SPRED2: variants seen among roughly 807,000 people sequenced by gnomAD.
SPRED2 encodes the protein sprouty related EVH1 domain containing 2, also known as sprouty-related, EVH1 domain-containing protein 2.
In SPRED2, 47 loss-of-function variants were observed where a neutral mutation model predicts 43.0. The ratio of observed to expected loss-of-function variants is 1.09; its 90% confidence interval spans 0.87 to 1.40. SPRED2 has a LOEUF of 1.40. Ranked by LOEUF, SPRED2 falls within the 40% of genes most tolerant of loss-of-function variation. SPRED2 has a pLI of 0.00. For synonymous variants in SPRED2, 225 were observed against 225.7 expected, an observed-to-expected ratio of 1.00 and a Z score of 0.03; for missense variants, 561 against 586.4, an observed-to-expected ratio of 0.96 and a Z score of 0.45.
intron 1 of SPRED2, among the ~76,000 whole-genome samples, chr2:65,429,669 A>G (rs1282779646): frequency 6.6e-6 from 1 of 152,252 alleles, no homozygotes; most frequent in African/African-American, 2.4e-5. Flanking sequence ...GGCAGTTTAC[A>G]GCCCACGAAG....
rs68086040 is a variant in SPRED2 at position 65,322,270 on chromosome 2, CTATA to C, written c.439-5391_439-5388del. Among the ~76,000 whole-genome samples, 295 of 36,420 alleles carry C rather than the reference CTATA, an allele frequency of 8.1e-3. 6 individuals are homozygous for C. Among genetic ancestry groups the C allele is most frequent in the African/African-American group, 0.015 (99 of 6,702 alleles). 23.9% of individuals were successfully genotyped at this position (36,420 alleles called of 152,430 possible). A position where few individuals can be genotyped will look rare whatever the true frequency, so the allele number is the denominator to read the frequency against. On this transcript the variant is annotated intron_variant, in intron 4 of 5. Transcript: ENST00000356388. ...TCTCTCTCTCTCTCTCTCTCTCTCT[CTATA>C]TATATATATATATATATATATTTTT...
chr2:65,412,000 C>T (rs914907521), intron 1 of SPRED2, among the ~76,000 whole-genome samples: 4 of 151,736 alleles, frequency 2.6e-5, no homozygotes, highest in Admixed American at 6.6e-5. Flanking sequence ...TGGTGGCAGG[C>T]GCCTGTAGTC....
At chr2:65,360,207 C>T (rs1381842532) in intron 1 of SPRED2, among the ~76,000 whole-genome samples, 1 of 151,978 alleles carries the variant, frequency 6.6e-6, no homozygotes, top group African/African-American at 2.4e-5. Flanking sequence ...GTGGAAGGGC[C>T]CTCGACTTAA....
intron 1 of SPRED2, among the ~76,000 whole-genome samples, chr2:65,406,451 C>A (rs1431724694): frequency 6.6e-6 from 1 of 152,228 alleles, no homozygotes; most frequent in Non-Finnish European, 1.5e-5. Flanking sequence ...ATTTTATCCA[C>A]TCATGTCTGT....
intron 1 of SPRED2, among the ~76,000 whole-genome samples, chr2:65,391,401 T>C (rs1675632959): frequency 6.6e-6 from 1 of 152,220 alleles, no homozygotes; most frequent in Non-Finnish European, 1.5e-5. Flanking sequence ...CATTCTGGTG[T>C]AGTTCCCGAA....
intron 1 of SPRED2, among the ~76,000 whole-genome samples, chr2:65,384,485 T>G (rs995880285): frequency 1.4e-4 from 21 of 152,196 alleles, no homozygotes; most frequent in Non-Finnish European, 7.3e-5. Context: ...AAATAATAAT[T>G]AGTTCAAAAC....
chr2:65,364,472 G>A (rs928449241), intron 1 of SPRED2, among the ~76,000 whole-genome samples: 4 of 152,220 alleles, frequency 2.6e-5, no homozygotes, highest in Non-Finnish European at 4.4e-5. Context: ...TAAAAACCAC[G>A]TGGTTCCTTT....
chr2:65,366,464 A>T, intron 1 of SPRED2: 2 of 944,754 alleles, frequency 2.1e-6, no homozygotes, highest in Non-Finnish European at 3.2e-6. Context: ...AAACACATAC[A>T]CACTGTGGTC....
rs1237306915 is a variant in SPRED2, at chr2:65,311,611, G to A, written c.*1890C>T. On this transcript the variant is annotated 3_prime_UTR_variant, in exon 6 of 6. Transcript: ENST00000356388. ...TCGACAGCACTGGAGGCTGGCTGAA[G>A]GTTTTCTAGATGTTCTCCAGGCATG... is the stretch of plus-strand genomic sequence containing the variant. 1 of 985,842 alleles carries A rather than the reference G, an allele frequency of 1.0e-6. No homozygotes were observed. The highest frequency in any genetic ancestry group is 1.1e-4 in the East Asian group (1 of 8,814). 61.1% of individuals were successfully genotyped at this position (985,842 alleles called of 1,614,324 possible). A position where few individuals can be genotyped will look rare whatever the true frequency, so the allele number is the denominator to read the frequency against.
downstream of SPRED2, among the ~76,000 whole-genome samples, chr2:65,309,012 C>T (rs182439856): frequency 1.4e-4 from 21 of 151,980 alleles, no homozygotes; most frequent in East Asian, 7.7e-4. Context: ...CAAAATTAGC[C>T]GGGTGTGGTG....
intron 1 of SPRED2, among the ~76,000 whole-genome samples, chr2:65,417,400 G>T (rs1273032240): frequency 6.6e-6 from 1 of 152,092 alleles, no homozygotes; most frequent in Non-Finnish European, 1.5e-5. Context: ...CCTGTACCTG[G>T]AACACAGACA....
intron 1 of SPRED2, among the ~76,000 whole-genome samples, chr2:65,426,813 C>G (rs1460302674): frequency 6.6e-6 from 1 of 152,160 alleles, no homozygotes; most frequent in Non-Finnish European, 1.5e-5. Flanking sequence ...GCTACTGATC[C>G]ACTTTGTATA....
At chr2:65,413,165 C>G (rs975408336) in intron 1 of SPRED2, among the ~76,000 whole-genome samples, 1 of 152,202 alleles carries the variant, frequency 6.6e-6, no homozygotes, top group Non-Finnish European at 1.5e-5. Context: ...CTACCCCTCT[C>G]AAGGGGAGAG....
rs1459430102 is a variant in SPRED2, at chr2:65,316,835, T to A, written c.487A>T (p.Thr163Ser). 1 of 1,613,828 alleles carries A rather than the reference T, an allele frequency of 6.2e-7. No homozygotes were observed. Residue 163 changes from threonine to serine, a missense_variant, in exon 5 of 6, where the codon ACT becomes TCT. Coordinates refer to ENST00000356388, the MANE Select transcript of SPRED2 (RefSeq NM_181784.3). ...GATGTGGGAGAGGAGATTGTCCGAG[T>A]AGGTTGCTCTCTCTTCTGAGAGGAA... ...SNSSQKREQP[T>S]RTISSPTSCE... is the part of the protein sequence containing the mutation.
intron 1 of SPRED2, chr2:65,366,498 T>A (rs547516017): frequency 1.5e-6 from 2 of 1,343,546 alleles, no homozygotes; most frequent in African/African-American, 1.5e-5. Context: ...ATAAATTTTC[T>A]CCTTTAAAAA....
chr2:65,327,281 A>G (rs1542994), intron 4 of SPRED2, among the ~76,000 whole-genome samples: 40,257 of 152,112 alleles, frequency 0.26, 6,577 homozygotes, highest in East Asian at 0.76. Flanking sequence ...GTAACCTTGA[A>G]TAAATACTCT....
At position 65,314,081 on chromosome 2, in the gene SPRED2, G is replaced by C; in HGVS notation, c.677C>G (p.Thr226Arg). Residue 226 changes from threonine to arginine, a missense_variant, in exon 6 of 6, where the codon ACG becomes AGG. Around this residue, in one of 6 missense-constraint regions of SPRED2, gnomAD observed 15 missense variants for 35.4 expected, o/e 0.42. Transcript: ENST00000356388. Reference protein sequence around the residue: ...RINPREKIWMTGYEDYRHAPV... With the variant: ...RINPREKIWMRGYEDYRHAPV... ...TGCGTGCCGGTAATCCTCGTACCCCGTCATCCAGATCTTCTCCCGGGGGTT... is the reference window on the plus strand; with the variant it reads ...TGCGTGCCGGTAATCCTCGTACCCCCTCATCCAGATCTTCTCCCGGGGGTT... 1 of 1,613,896 alleles carries C rather than the reference G, an allele frequency of 6.2e-7. No homozygotes were observed. Among genetic ancestry groups the C allele is most frequent in the Non-Finnish European group, 8.5e-7 (1 of 1,179,802 alleles).
chr2:65,319,064 T>C (rs138591924), intron 4 of SPRED2, among the ~76,000 whole-genome samples: 11 of 152,312 alleles, frequency 7.2e-5, no homozygotes, highest in African/African-American at 2.6e-4. Context: ...AAGTAGTACA[T>C]ACTTAGAAAA....
intron 1 of SPRED2, among the ~76,000 whole-genome samples, chr2:65,354,572 T>C (rs535115628): frequency 1.3e-3 from 193 of 151,988 alleles, no homozygotes; most frequent in African/African-American, 4.5e-3. Context: ...AAAATCTTAA[T>C]AGAAACTTTT....
Sources: allele counts gnomAD v4.1 joint callset (sites outside exome capture counted in the v4.1 genomes callset), GRCh38; gene constraint gnomAD v4.1.1; regional missense constraint gnomAD v4.1.1; transcripts MANE v1.5; gene names NCBI Gene and HGNC (gene_info 2026-07-23, HGNC 2026-07-21).